The following SEMG1 variants were observed in gnomAD, a reference collection of about 807,000 sequenced individuals.
SEMG1 encodes semenogelin-1.
Under a neutral mutation model 8.8 loss-of-function variants are expected in SEMG1, and 6 were observed. That is an observed-to-expected ratio of 0.68 (90% CI 0.37 to 1.35). SEMG1 has a LOEUF of 1.35. Ranked by LOEUF, SEMG1 falls within the 40% of genes most tolerant of loss-of-function variation. The pLI, the probability that SEMG1 is intolerant of heterozygous loss-of-function variation, is 0.02. For missense variants in SEMG1, 580 were observed against 533.6 expected, an observed-to-expected ratio of 1.09 and a Z score of -0.86; for synonymous variants, 221 against 190.3, an observed-to-expected ratio of 1.16 and a Z score of -1.33.
Position 45,208,656 on chromosome 20 carries a change from T to C in SEMG1, c.1359T>C (p.Leu453=). The C allele has an allele frequency of 6.2e-7, 1 of 1,611,446 alleles. No homozygotes were observed. Among genetic ancestry groups the C allele is most frequent in the Non-Finnish European group, 8.5e-7 (1 of 1,178,752 alleles). ...GTGATCGTCATTTGGCACAACATCT[T>C]AACAACGACCGAAACCCATTATTTA... is the stretch of plus-strand genomic sequence containing the variant. ...DDSDRHLAQH[L]NNDRNPLFT is the part of the protein sequence containing the mutation. Residue 453 remains leucine, a synonymous_variant, in exon 2 of 3, where the codon CTT becomes CTC. Coordinates refer to ENST00000372781, the MANE Select transcript of SEMG1 (RefSeq NM_003007.5).
rs370050256 is a variant in SEMG1 at position 45,208,734 on chromosome 20, AT to A, written c.*44+13del. 1,016 of 1,335,380 alleles carry A rather than the reference AT, an allele frequency of 7.6e-4. No individual in the cohort carries two copies. The highest frequency in any genetic ancestry group is 8.8e-4 in the Non-Finnish European group (846 of 966,320). The allele number at this position is 1,335,380 out of a possible 1,614,324, so 82.7% of individuals were successfully genotyped here. On this transcript the variant is annotated splice_donor_5th_base_variant and intron_variant, in intron 2 of 2. Coordinates refer to ENST00000372781, the MANE Select transcript of SEMG1 (RefSeq NM_003007.5). ...GAAAGGATGGACCAATATCAAGGTA[AT>A]TTTTTTTTAGCAAATAGGGGAGATA...
rs373203554 is a variant in SEMG1 at position 45,207,986 on chromosome 20, A to T, written c.689A>T (p.His230Leu). 2 of 1,614,056 alleles carry T rather than the reference A, an allele frequency of 1.2e-6. No homozygotes were observed. The highest frequency in any genetic ancestry group is 1.7e-6 in the Non-Finnish European group (2 of 1,179,968). The change falls in exon 2 of 3, where the codon CAT becomes CTT. Residue 230 changes from histidine to leucine, a missense_variant. His to Leu is a moderately conservative substitution (Grantham distance 99). Coordinates refer to ENST00000372781, the MANE Select transcript of SEMG1 (RefSeq NM_003007.5). ...YQNVVEVREEHSSKVQTSLCP... is the reference protein window; with the variant it reads ...YQNVVEVREELSSKVQTSLCP... ...AATGTGGTTGAAGTGAGAGAGGAAC[A>T]TTCAAGTAAAGTACAAACCTCACTC...
rs1186159349 is a variant in SEMG1 at position 45,208,804 on chromosome 20, T to C, written c.*44+74T>C. 3 of 723,342 alleles carry C rather than the reference T, an allele frequency of 4.1e-6. No individual in the cohort carries two copies. The East Asian group carries it at 7.9e-5, about 19-fold the overall frequency. 44.8% of individuals were successfully genotyped at this position (723,342 alleles called of 1,614,324 possible). On this transcript the variant is annotated intron_variant, in intron 2 of 2. Coordinates refer to ENST00000372781, the MANE Select transcript of SEMG1 (RefSeq NM_003007.5). ...ATTGTTGGGGACTCTCCAGGACTTT[T>C]GTGGGATTGATAACCATTGTTCGCA...
In SEMG1 at chr20:45,207,087, C is replaced by A; in HGVS notation, c.34C>A (p.Leu12Ile). 1 of 1,613,842 alleles carries A rather than the reference C, an allele frequency of 6.2e-7. No individual in the cohort carries two copies. Among genetic ancestry groups the A allele is most frequent in the African/African-American group, 1.3e-5 (1 of 74,996 alleles). ...KPNIIFVLSL[L>I]LILEKQAAVM... ...CAACATCATCTTTGTACTTTCCCTG[C>A]TCCTCATCTTGGAGAAGCAAGCAGC... Residue 12 changes from leucine (L) to isoleucine (I), a missense_variant, in exon 1 of 3, where the codon CTC (leucine) becomes ATC (isoleucine). Leu to Ile is a conservative substitution (Grantham distance 5). Transcript: ENST00000372781.
rs777904007 is a variant in SEMG1 at position 45,208,431 on chromosome 20, T to A, written c.1134T>A (p.Thr378=). The A allele has an allele frequency of 1.9e-5, 30 of 1,613,840 alleles. No homozygotes were observed. Among genetic ancestry groups the A allele is most frequent in the Non-Finnish European group, 2.5e-5 (29 of 1,179,966 alleles). ...CCCAACGCAGTATTTATAGCCAAAC[T>A]GAAAAGCTAGTAGCAGGCAAGTCTC... ...DVSQRSIYSQ[T]EKLVAGKSQI... The change falls in exon 2 of 3, where the codon ACT becomes ACA. Residue 378 remains threonine (T), a synonymous_variant. Transcript: ENST00000372781.
Position 45,208,621 on chromosome 20 carries a change from G to C in SEMG1, c.1324G>C (p.Glu442Gln). Residue 442 changes from glutamate to glutamine, a missense_variant, in exon 2 of 3, where the codon GAA becomes CAA. By Grantham distance (29) the Glu-to-Gln change is conservative. Transcript: ENST00000372781. Reference protein sequence around the residue: ...GGLDIVIIEQEDDSDRHLAQH... With the variant: ...GGLDIVIIEQQDDSDRHLAQH... ...ATTGGATATTGTAATTATAGAGCAG[G>C]AAGATGACAGTGATCGTCATTTGGC... The C allele has an allele frequency of 6.2e-7, 1 of 1,613,236 alleles. No homozygotes were observed. Among genetic ancestry groups the C allele is most frequent in the Non-Finnish European group, 8.5e-7 (1 of 1,179,692 alleles).
chr20:45,208,793 TC>T, intron 2 of SEMG1, 63 bp downstream of exon 2: 1 of 787,360 alleles, frequency 1.3e-6, no homozygotes, highest in Non-Finnish European at 2.1e-6. Context: ...TTGGGGACTC[TC>T]CAGGACTTTT....
In SEMG1 at chr20:45,208,336, T is replaced by A. The variant is rs1983759753; in HGVS notation, c.1039T>A (p.Ser347Thr). 20 of 1,611,166 alleles carry A rather than the reference T, an allele frequency of 1.2e-5. No homozygotes were observed. Among genetic ancestry groups the A allele is most frequent in the Non-Finnish European group, 1.7e-5 (20 of 1,178,642 alleles). Residue 347 changes from serine (S) to threonine (T), a missense_variant, in exon 2 of 3, where the codon TCA becomes ACA. Coordinates refer to ENST00000372781, the MANE Select transcript of SEMG1 (RefSeq NM_003007.5). ...GCATAGCCAAAAGGCAAATAAAATA[T>A]CATACCAATCTTCAAGTACGGAAGA... ...QEHSQKANKI[S>T]YQSSSTEERR...
Position 45,208,436 on chromosome 20 carries a change from A to G in SEMG1, c.1139A>G (p.Lys380Arg). The change falls in exon 2 of 3, where the codon AAG (lysine) becomes AGG (arginine). Residue 380 changes from lysine (K) to arginine (R), a missense_variant. Physicochemically the swap from Lys to Arg is conservative, Grantham distance 26. Transcript: ENST00000372781. Reference sequence around the variant, plus strand: ...CGCAGTATTTATAGCCAAACTGAAAAGCTAGTAGCAGGCAAGTCTCAAATC... The same window carrying G: ...CGCAGTATTTATAGCCAAACTGAAAGGCTAGTAGCAGGCAAGTCTCAAATC... ...SQRSIYSQTE[K>R]LVAGKSQIQA... The G allele has an allele frequency of 6.2e-7, 1 of 1,613,994 alleles. No homozygotes were observed. Among genetic ancestry groups the G allele is most frequent in the Non-Finnish European group, 8.5e-7 (1 of 1,179,960 alleles).
intron 2 of SEMG1, among the ~76,000 whole-genome samples, chr20:45,208,971 A>G (rs187577828): frequency 6.6e-6 from 1 of 152,306 alleles, no homozygotes; most frequent in Non-Finnish European, 1.5e-5. Context: ...ATATTCTTCA[A>G]TAATATTTTT....
rs775007926 is a variant in SEMG1 at position 45,207,972 on chromosome 20, A to C, written c.675A>C (p.Glu225Asp). 6.8e-6 allele frequency: 11 copies of C among 1,613,954 alleles called. No individual in the cohort carries two copies. The highest frequency in any genetic ancestry group is 2.2e-5 in the East Asian group (1 of 44,898). ...AAGGGCATTACCAAAATGTGGTTGA[A>C]GTGAGAGAGGAACATTCAAGTAAAG... The part of the protein sequence containing the change: ...QNKGHYQNVV[E>D]VREEHSSKVQ... The change falls in exon 2 of 3, where the codon GAA becomes GAC. Residue 225 changes from glutamate (E) to aspartate (D), a missense_variant. By Grantham distance (45) the Glu-to-Asp change is conservative. Coordinates refer to ENST00000372781, the MANE Select transcript of SEMG1 (RefSeq NM_003007.5).
chr20:45,207,987 T>C lies in SEMG1; in HGVS notation c.690T>C (p.His230=), dbSNP rs1194853297. ...YQNVVEVREE[H]SSKVQTSLCP... ...ATGTGGTTGAAGTGAGAGAGGAACATTCAAGTAAAGTACAAACCTCACTCT... is the reference window on the plus strand; with the variant it reads ...ATGTGGTTGAAGTGAGAGAGGAACACTCAAGTAAAGTACAAACCTCACTCT... The change falls in exon 2 of 3, where the codon CAT becomes CAC. Residue 230 remains histidine, a synonymous_variant. Transcript: ENST00000372781. 2 of 1,613,818 alleles carry C rather than the reference T, an allele frequency of 1.2e-6. No homozygotes were observed. Among genetic ancestry groups the C allele is most frequent in the African/African-American group, 1.3e-5 (1 of 74,872 alleles).
Position 45,208,206 on chromosome 20 carries a change from T to G in SEMG1, c.909T>G (p.Asn303Lys). The G allele has an allele frequency of 6.2e-7, 1 of 1,612,938 alleles. No homozygotes were observed. ...TEERRLHYGE[N>K]GVQKDVSQSS... ...AAAGACGACTCCACTATGGAGAAAA[T>G]GGTGTGCAGAAAGATGTATCCCAAA... is the stretch of plus-strand genomic sequence containing the variant. The change falls in exon 2 of 3, where the codon AAT (asparagine) becomes AAG (lysine). Residue 303 changes from asparagine to lysine, a missense_variant. Coordinates refer to ENST00000372781, the MANE Select transcript of SEMG1 (RefSeq NM_003007.5).
In SEMG1 at chr20:45,208,411, C is replaced by G. The variant is rs199672858; in HGVS notation, c.1114C>G (p.Arg372Gly). The G allele has an allele frequency of 1.4e-5, 22 of 1,613,718 alleles. No homozygotes were observed. The highest frequency in any genetic ancestry group is 1.8e-5 in the Non-Finnish European group (21 of 1,179,888). ...TGGTGTGCAGAAAGATGTATCCCAA[C>G]GCAGTATTTATAGCCAAACTGAAAA... The part of the protein sequence containing the change: ...ENGVQKDVSQ[R>G]SIYSQTEKLV... Residue 372 changes from arginine to glycine, a missense_variant, in exon 2 of 3, where the codon CGC becomes GGC. Arg to Gly is a moderately radical substitution (Grantham distance 125). Coordinates refer to ENST00000372781, the MANE Select transcript of SEMG1 (RefSeq NM_003007.5).
Position 45,208,727 on chromosome 20 carries a change from C to T in SEMG1, c.*41C>T, listed in dbSNP as rs1159518371. ...ACCATGTGAAAGGATGGACCAATATCAAGGTAATTTTTTTTTAGCAAATAG... is the reference window on the plus strand; with the variant it reads ...ACCATGTGAAAGGATGGACCAATATTAAGGTAATTTTTTTTTAGCAAATAG... On this transcript the variant is annotated 3_prime_UTR_variant, in exon 2 of 3. Coordinates refer to ENST00000372781, the MANE Select transcript of SEMG1 (RefSeq NM_003007.5). 2 of 1,420,014 alleles carry T rather than the reference C, an allele frequency of 1.4e-6. No homozygotes were observed. Among genetic ancestry groups the T allele is most frequent in the Admixed American group, 4.2e-5 (2 of 47,352 alleles). 88.0% of individuals were successfully genotyped at this position (1,420,014 alleles called of 1,614,324 possible).
At position 45,207,974 on chromosome 20, in the gene SEMG1, TGA is replaced by T. The variant is rs1277483316; in HGVS notation, c.683_684del (p.Glu228GlyfsTer5). The T allele has an allele frequency of 6.2e-7, 1 of 1,613,856 alleles. No homozygotes were observed. Among genetic ancestry groups the T allele is most frequent in the African/African-American group, 1.3e-5 (1 of 74,872 alleles). On this transcript the variant is annotated frameshift_variant, in exon 2 of 3. Transcript: ENST00000372781. LOFTEE classifies it low-confidence loss of function (END_TRUNC). ...GGGCATTACCAAAATGTGGTTGAAG[TGA>T]GAGAGGAACATTCAAGTAAAGTACA... is the stretch of plus-strand genomic sequence containing the variant.
Position 45,207,361 on chromosome 20 carries a change from T to A in SEMG1, c.77-13T>A. Reference sequence around the variant, plus strand: ...AGATAATGAATGCATACCTTCTTATTATCAATTACCAGGTGGATCAAAAGG... The same window carrying A: ...AGATAATGAATGCATACCTTCTTATAATCAATTACCAGGTGGATCAAAAGG... On this transcript the variant is annotated splice_polypyrimidine_tract_variant and intron_variant, in intron 1 of 2. Transcript: ENST00000372781. The A allele has an allele frequency of 6.3e-7, 1 of 1,590,728 alleles. No individual in the cohort carries two copies. The highest frequency in any genetic ancestry group is 1.7e-4 in the Middle Eastern group (1 of 5,908).
chr20:45,208,495 G>A lies in SEMG1; in HGVS notation c.1198G>A (p.Gly400Ser), dbSNP rs751003980. 6.2e-6 allele frequency: 10 copies of A among 1,613,974 alleles called. No individual in the cohort carries two copies. The East Asian group carries it at 2.2e-4, about 36-fold the overall frequency. The change falls in exon 2 of 3, where the codon GGT (glycine) becomes AGT (serine). Residue 400 changes from glycine to serine, a missense_variant. Coordinates refer to ENST00000372781, the MANE Select transcript of SEMG1 (RefSeq NM_003007.5). Reference sequence around the variant, plus strand: ...AAATCCTAAGCAAGAGCCATGGCATGGTGAAAATGCAAAAGGAGAGTCTGG... The same window carrying A: ...AAATCCTAAGCAAGAGCCATGGCATAGTGAAAATGCAAAAGGAGAGTCTGG... ...APNPKQEPWH[G>S]ENAKGESGQS...
Position 45,207,512 on chromosome 20 carries a change from A to G in SEMG1, c.215A>G (p.Asp72Gly). 1.2e-6 allele frequency: 2 copies of G among 1,613,950 alleles called. No homozygotes were observed. Among genetic ancestry groups the G allele is most frequent in the African/African-American group, 1.3e-5 (1 of 75,040 alleles). The part of the protein sequence containing the change: ...SFSIQYTYHV[D>G]ANDHDQSRKS... ...TCTATTCAATACACATATCATGTAGATGCCAATGATCATGACCAGTCCCGA... is the reference window on the plus strand; with the variant it reads ...TCTATTCAATACACATATCATGTAGGTGCCAATGATCATGACCAGTCCCGA... The change falls in exon 2 of 3, where the codon GAT (aspartate) becomes GGT (glycine). Residue 72 changes from aspartate (D) to glycine (G), a missense_variant. Transcript: ENST00000372781.
Sources: allele counts gnomAD v4.1 joint callset (sites outside exome capture counted in the v4.1 genomes callset), GRCh38; gene constraint gnomAD v4.1.1; transcripts MANE v1.5; gene names NCBI Gene and HGNC (gene_info 2026-07-23, HGNC 2026-07-21).